Variants in SAMD5 observed in about 807,000 individuals in gnomAD.
SAMD5 encodes the protein sterile alpha motif domain-containing protein 5.
SAMD5 carries 13 observed loss-of-function variants against 11.3 expected under a neutral mutation model. The ratio of observed to expected loss-of-function variants is 1.15; its 90% CI spans 0.75 to 1.83. The LOEUF is 1.83. Ranked by LOEUF, SAMD5 falls within the 40% of genes most tolerant of loss-of-function variation. The probability of loss-of-function intolerance (pLI) is 0.00; values close to 1 mark genes in which losing one functional copy is unlikely to be tolerated. For missense variants in SAMD5, 255 were observed against 239.1 expected (o/e 1.07, Z -0.44); for synonymous variants, 129 against 111.3 (o/e 1.16, Z -1.00).
the SAMD5 span, among the ~76,000 whole-genome samples, chr6:147,888,576 C>A: frequency 1.1e-5 from 1 of 89,312 alleles, no homozygotes; most frequent in Admixed American, 1.2e-4. Context: ...TCCTTTTTCT[C>A]TGGCTGCTTT....
At chr6:147,908,792 C>G in the SAMD5 span, among the ~76,000 whole-genome samples, 3 of 152,164 alleles carry the variant, frequency 2.0e-5, no homozygotes, top group Non-Finnish European at 4.4e-5. Context: ...AATTCAAACC[C>G]TAGTGCTGAG....
chr6:147,769,493 T>C, the SAMD5 span, among the ~76,000 whole-genome samples: 1 of 152,216 alleles, frequency 6.6e-6, no homozygotes, highest in Admixed American at 6.5e-5. Flanking sequence ...TCAGTGATAA[T>C]GGAATTGGGT....
At chr6:147,869,275 C>G in the SAMD5 span, among the ~76,000 whole-genome samples, 1 of 152,198 alleles carries the variant, frequency 6.6e-6, no homozygotes, top group Admixed American at 6.5e-5. Flanking sequence ...TGCTGTGGCC[C>G]TTGGAGTCCA....
chr6:147,758,819 G>A, the SAMD5 span, among the ~76,000 whole-genome samples: 1 of 152,032 alleles, frequency 6.6e-6, no homozygotes, highest in African/African-American at 2.4e-5. Context: ...CCTGTTGGGG[G>A]TACTCTGAAA....
the SAMD5 span, among the ~76,000 whole-genome samples, chr6:147,865,262 G>A: frequency 6.6e-6 from 1 of 151,542 alleles, no homozygotes; most frequent in African/African-American, 2.4e-5. Context: ...ATGTGTGTAG[G>A]TACATGTAGG....
chr6:147,613,940 T>A (rs1204445300), intron 1 of SAMD5, among the ~76,000 whole-genome samples: 1 of 151,836 alleles, frequency 6.6e-6, no homozygotes, highest in Non-Finnish European at 1.5e-5. Flanking sequence ...GAGTGCTCTA[T>A]AGAATGAGGG....
chr6:147,794,072 T>G, the SAMD5 span, among the ~76,000 whole-genome samples: 3 of 152,168 alleles, frequency 2.0e-5, no homozygotes, highest in Non-Finnish European at 2.9e-5. Context: ...CTCAAAATAT[T>G]TGAGCAATTG....
At chr6:147,693,636 G>A (rs377169027) in intron 1 of SAMD5, among the ~76,000 whole-genome samples, 114 of 152,302 alleles carry the variant, frequency 7.5e-4, no homozygotes, top group African/African-American at 2.3e-3. Flanking sequence ...TTTGAATTCC[G>A]TACAAGGTGA....
chr6:147,750,434 G>A, the SAMD5 span, among the ~76,000 whole-genome samples: 1 of 152,104 alleles, frequency 6.6e-6, no homozygotes, highest in Non-Finnish European at 1.5e-5. Context: ...GTGTGTTTTT[G>A]TGTCTATATG....
chr6:147,816,301 A>AAAAAAAAAAAAAATAT, the SAMD5 span, among the ~76,000 whole-genome samples: 5 of 66,354 alleles, frequency 7.5e-5, no homozygotes, highest in African/African-American at 1.0e-4. Flanking sequence ...AAAAAAAAAA[A>AAAAAAAAAAAAAATAT]ATATATATAT....
rs143502068 is a variant in SAMD5, at chr6:147,733,883, C to T, written c.163-3434C>T. The T allele has an allele frequency of 7.8e-4, 168 of 215,310 alleles. 3 individuals are homozygous for T. Among genetic ancestry groups the T allele is most frequent in the African/African-American group, 3.6e-3 (153 of 42,734 alleles). The allele number at this position is 215,310 out of a possible 1,614,324, so 13.3% of individuals were successfully genotyped here. A position where few individuals can be genotyped will look rare whatever the true frequency, so the allele number is the denominator to read the frequency against. ...TGCAGCTGGAAAAGCGCCATTCCCT[C>T]GGACAGTGTTAACTATGAGTTGAGT... On this transcript the variant is annotated intron_variant, in intron 1 of 1. Transcript: ENST00000566741.
chr6:147,838,533 C>CCG, the SAMD5 span, among the ~76,000 whole-genome samples: 1 of 132,812 alleles, frequency 7.5e-6, no homozygotes, highest in South Asian at 2.7e-4. Flanking sequence ...AATATCCTGC[C>CCG]CCCCCCCCGT....
At chr6:147,825,547 A>C in the SAMD5 span, among the ~76,000 whole-genome samples, 1 of 152,148 alleles carries the variant, frequency 6.6e-6, no homozygotes, top group Non-Finnish European at 1.5e-5. Context: ...TTTTATTAGC[A>C]TGAGCTCATA....
intron 1 of SAMD5, among the ~76,000 whole-genome samples, chr6:147,613,296 G>A (rs983654954): frequency 6.6e-6 from 1 of 151,924 alleles, no homozygotes; most frequent in African/African-American, 2.4e-5. Context: ...TTTGTCCTGT[G>A]AATCTGTGGG....
At chr6:147,772,932 G>A in the SAMD5 span, among the ~76,000 whole-genome samples, 1 of 152,180 alleles carries the variant, frequency 6.6e-6, no homozygotes, top group Non-Finnish European at 1.5e-5. Context: ...CAGTAAGTAA[G>A]CACTGAGTGC....
intron 1 of SAMD5, among the ~76,000 whole-genome samples, chr6:147,677,167 A>G (rs932843223): frequency 6.6e-6 from 1 of 152,152 alleles, no homozygotes; most frequent in African/African-American, 2.4e-5. Flanking sequence ...GTCATCAGCA[A>G]GGATGTCTCA....
At chr6:147,863,711 A>G in the SAMD5 span, among the ~76,000 whole-genome samples, 1 of 151,572 alleles carries the variant, frequency 6.6e-6, no homozygotes, top group Non-Finnish European at 1.5e-5. Context: ...TGAACCTGAC[A>G]TCATAGTATC....
At chr6:147,656,691 A>C (rs1790572523) in intron 1 of SAMD5, among the ~76,000 whole-genome samples, 1 of 152,224 alleles carries the variant, frequency 6.6e-6, no homozygotes, top group South Asian at 2.1e-4. Context: ...TAGATTGGCA[A>C]ACTTAGAAGT....
At chr6:147,935,092 C>T in the SAMD5 span, among the ~76,000 whole-genome samples, 553 of 152,276 alleles carry the variant, frequency 3.6e-3, 3 homozygotes, top group African/African-American at 0.012. Context: ...ATTTAGCAAA[C>T]GTACAGCAAG....
Sources: allele counts gnomAD v4.1 joint callset (sites outside exome capture counted in the v4.1 genomes callset), GRCh38; gene constraint gnomAD v4.1.1; transcripts MANE v1.5; gene names NCBI Gene and HGNC (gene_info 2026-07-23, HGNC 2026-07-21).